The following ENPEP variants were observed in gnomAD, a reference collection of about 807,000 sequenced individuals.
ENPEP encodes AP-A.
In ENPEP, 103 loss-of-function variants were observed where a neutral mutation model predicts 114.5. The ratio of observed to expected loss-of-function variants is 0.90; its 90% CI spans 0.77 to 1.06. The LOEUF (loss-of-function observed/expected upper bound fraction) is 1.06. Among genes scored for constraint, ENPEP ranks in the 50% least tolerant of loss-of-function variants. The pLI, the probability that ENPEP is intolerant of heterozygous loss-of-function variation, is 0.00. For missense variants in ENPEP, 1,196 were observed against 1,161.3 expected (o/e 1.03, Z -0.43); for synonymous variants, 420 against 422.0 (o/e 1.00, Z 0.06).
intron 13 of ENPEP, 37 bp from the exon 14 acceptor site, chr4:110,548,139 G>GTTTTTTTTTTTTTTTTTTTT (rs3042468): frequency 5.8e-6 from 4 of 692,118 alleles, no homozygotes; most frequent in African/African-American, 2.4e-5. Context: ...TTAACTGTGA[G>GTTTTTTTTTTTTTTTTTTTT]TTTTTTTTTT....
At position 110,543,012 on chromosome 4, in the gene ENPEP, C is replaced by A; in HGVS notation, c.1945-3C>A. ...TTTTATCTCTCTTTCTCCCTCTTCC[C>A]AGACATTTTCTTCAGCAGATCGTGC... On this transcript the variant is annotated splice_region_variant and splice_polypyrimidine_tract_variant and intron_variant, in intron 12 of 19. Coordinates refer to ENST00000265162, the MANE Select transcript of ENPEP (RefSeq NM_001977.4). 6.2e-7 allele frequency: 1 copy of A among 1,613,002 alleles called. No individual in the cohort carries two copies. Among genetic ancestry groups the A allele is most frequent in the South Asian group, 1.1e-5 (1 of 90,988 alleles).
At chr4:110,512,378 C>T (rs1725609239) in intron 6 of ENPEP, 1 of 152,166 alleles carries the variant, frequency 6.6e-6, no homozygotes, top group Non-Finnish European at 1.5e-5. Context: ...AGTCAATCTT[C>T]CTCACACTGA....
At chr4:110,556,940 G>A (rs1049732986) in intron 18 of ENPEP, among the ~76,000 whole-genome samples, 2 of 152,308 alleles carry the variant, frequency 1.3e-5, no homozygotes, top group African/African-American at 2.4e-5. Flanking sequence ...CTGTCGTCAT[G>A]AAGCTTTGAG....
chr4:110,501,898 C>T (rs1725170665), intron 3 of ENPEP, among the ~76,000 whole-genome samples: 1 of 152,082 alleles, frequency 6.6e-6, no homozygotes, highest in Non-Finnish European at 1.5e-5. Context: ...ATTTGCATTC[C>T]CACCAACAGT....
intron 17 of ENPEP, among the ~76,000 whole-genome samples, chr4:110,552,104 T>C (rs930942492): frequency 6.6e-6 from 1 of 152,166 alleles, no homozygotes; most frequent in Non-Finnish European, 1.5e-5. Flanking sequence ...ATTGCTAGGC[T>C]GAAGAAACTG....
chr4:110,485,255 A>G (rs1259916502), intron 1 of ENPEP, among the ~76,000 whole-genome samples: 1 of 152,212 alleles, frequency 6.6e-6, no homozygotes, highest in Admixed American at 6.5e-5. Context: ...TGATTGTTCT[A>G]TTGCAGAATG....
At chr4:110,537,855 G>T (rs1004333362) in intron 11 of ENPEP, among the ~76,000 whole-genome samples, 1 of 152,198 alleles carries the variant, frequency 6.6e-6, no homozygotes, top group Non-Finnish European at 1.5e-5. Context: ...TAATCTGCTT[G>T]TACATTTCCA....
chr4:110,562,117 C>T lies in ENPEP; in HGVS notation c.*559C>T, dbSNP rs1475241372. ...TTACTTGAGGATCATATGAATTAGC[C>T]AAAAGAATGGCTGACTGTTGCCTTT... On this transcript the variant is annotated 3_prime_UTR_variant, in exon 20 of 20. Coordinates refer to ENST00000265162, the MANE Select transcript of ENPEP (RefSeq NM_001977.4). 1 of 152,056 alleles carries T rather than the reference C, an allele frequency of 6.6e-6. No homozygotes were observed. Among genetic ancestry groups the T allele is most frequent in the Non-Finnish European group, 1.5e-5 (1 of 67,994 alleles). The allele number at this position is 152,056 out of a possible 1,614,324, so 9.4% of individuals were successfully genotyped here. A position where few individuals can be genotyped will look rare whatever the true frequency, so the allele number is the denominator to read the frequency against.
At chr4:110,548,671 T>A (rs562457684) in intron 14 of ENPEP, among the ~76,000 whole-genome samples, 42 of 152,198 alleles carry the variant, frequency 2.8e-4, no homozygotes, top group African/African-American at 9.1e-4. Flanking sequence ...TTAAAGTGAA[T>A]TATTCTTCTA....
At chr4:110,486,526 C>A (rs1222344682) in intron 1 of ENPEP, among the ~76,000 whole-genome samples, 1 of 152,176 alleles carries the variant, frequency 6.6e-6, no homozygotes, top group South Asian at 2.1e-4. Context: ...CCCTGAACCT[C>A]CACTTGCCTG....
intron 17 of ENPEP, among the ~76,000 whole-genome samples, chr4:110,551,396 T>A (rs1346811726): frequency 6.6e-6 from 1 of 152,130 alleles, no homozygotes; most frequent in Non-Finnish European, 1.5e-5. Context: ...TTAGTAAACT[T>A]TTTTTAAATT....
intron 18 of ENPEP, 68 bp from the exon 19 acceptor site, chr4:110,559,579 C>A: frequency 1.8e-6 from 2 of 1,108,828 alleles, no homozygotes; most frequent in Non-Finnish European, 2.7e-6. Context: ...AAGGAAACAT[C>A]TGCATTTAGA....
In ENPEP at chr4:110,563,765, C is replaced by T. The variant is rs1214121549; in HGVS notation, c.*2207C>T. On this transcript the variant is annotated 3_prime_UTR_variant, in exon 20 of 20. Transcript: ENST00000265162. ...TATTACTGCCTCCCCTCTAGGCAGC[C>T]CACTCCTGTATTCCAGATCATTGCT... 6.6e-6 allele frequency: 1 copy of T among 152,110 alleles called. No individual in the cohort carries two copies. Among genetic ancestry groups the T allele is most frequent in the Non-Finnish European group, 1.5e-5 (1 of 68,008 alleles). The allele number at this position is 152,110 out of a possible 1,614,324, so 9.4% of individuals were successfully genotyped here. A position where few individuals can be genotyped will look rare whatever the true frequency, so the allele number is the denominator to read the frequency against.
chr4:110,490,180 GGAA>G (rs60248647), intron 2 of ENPEP, among the ~76,000 whole-genome samples: 2,807 of 152,114 alleles, frequency 0.018, 106 homozygotes, highest in African/African-American at 0.064. Flanking sequence ...TAGTAGTCCT[GGAA>G]GAAGGAGAAT....
intron 10 of ENPEP, among the ~76,000 whole-genome samples, chr4:110,520,852 G>A (rs1282381283): frequency 6.6e-6 from 1 of 152,164 alleles, no homozygotes; most frequent in Non-Finnish European, 1.5e-5. Flanking sequence ...AGGACAATTT[G>A]TGCCAGCTGG....
chr4:110,513,539 C>T lies in ENPEP; in HGVS notation c.1433C>T (p.Ser478Phe). Reference sequence around the variant, plus strand: ...ATAACATCTGTTTTTGATGGAATATCCTATAGCAAGGTGGGAGAAATAGAA... The same window carrying T: ...ATAACATCTGTTTTTGATGGAATATTCTATAGCAAGGTGGGAGAAATAGAA... ...DEITSVFDGISYSKGSSILRM... is the reference protein window; with the variant it reads ...DEITSVFDGIFYSKGSSILRM... The change falls in exon 7 of 20, where the codon TCC becomes TTC. Residue 478 changes from serine to phenylalanine, a missense_variant. Coordinates refer to ENST00000265162, the MANE Select transcript of ENPEP (RefSeq NM_001977.4). The T allele has an allele frequency of 6.2e-7, 1 of 1,612,048 alleles. No homozygotes were observed. Among genetic ancestry groups the T allele is most frequent in the South Asian group, 1.1e-5 (1 of 90,606 alleles).
At chr4:110,531,526 G>T (rs10009658) in intron 11 of ENPEP, among the ~76,000 whole-genome samples, 5,193 of 152,126 alleles carry the variant, frequency 0.034, 289 homozygotes, top group African/African-American at 0.11. Context: ...GAGAAGGGTC[G>T]CATGCCCAAC....
chr4:110,545,106 G>A (rs1727005692), intron 13 of ENPEP, among the ~76,000 whole-genome samples: 1 of 152,036 alleles, frequency 6.6e-6, no homozygotes, highest in African/African-American at 2.4e-5. Context: ...AACTTTGGTG[G>A]AGGGGGTGGA....
intron 6 of ENPEP, among the ~76,000 whole-genome samples, chr4:110,511,937 T>A (rs1325467238): frequency 1.3e-5 from 2 of 152,144 alleles, no homozygotes; most frequent in Non-Finnish European, 2.9e-5. Context: ...CTAATTTTTA[T>A]ATTTTTAGTA....
Sources: gnomAD v4.1 joint callset for allele counts (sites outside exome capture counted in the v4.1 genomes callset) on GRCh38, gnomAD v4.1.1 for gene constraint, MANE v1.5 for transcripts, NCBI Gene and HGNC (gene_info 2026-07-23, HGNC 2026-07-21) for gene names.